EXOC1L: variants seen among roughly 807,000 people sequenced by gnomAD.
The protein encoded by EXOC1L is exocyst complex component 1 like.
In EXOC1L, 10 loss-of-function variants were observed where a neutral mutation model predicts 4.9. The ratio of observed to expected loss-of-function variants is 2.02; its 90% CI spans 1.25 to 3.43. EXOC1L has a LOEUF of 3.43. Among genes scored for constraint, EXOC1L ranks in the 30% most tolerant of loss-of-function variants. The probability of loss-of-function intolerance (pLI) is 0.00; values close to 1 mark genes in which losing one functional copy is unlikely to be tolerated. For missense variants in EXOC1L, 114 were observed against 59.4 expected (o/e 1.92, Z -3.02); for synonymous variants, 41 against 20.8 (o/e 1.97, Z -2.63).
chr4:55,833,374 G>A (rs1170941194), intron 2 of EXOC1L, among the ~76,000 whole-genome samples: 2 of 151,816 alleles, frequency 1.3e-5, no homozygotes, highest in African/African-American at 4.8e-5. Context: ...CAAAAAATAT[G>A]TCAGTATATG....
chr4:55,835,945 A>G (rs555754574), intron 2 of EXOC1L, among the ~76,000 whole-genome samples: 2 of 151,946 alleles, frequency 1.3e-5, no homozygotes, highest in Non-Finnish European at 2.9e-5. Context: ...TTACATGATT[A>G]TTCGCATGTA....
intron 1 of EXOC1L, among the ~76,000 whole-genome samples, chr4:55,825,394 GC>G (rs1170369872): frequency 1.3e-5 from 2 of 152,034 alleles, no homozygotes; most frequent in Admixed American, 1.3e-4. Flanking sequence ...TATCTTATTT[GC>G]CACATCTAGG....
chr4:55,831,882 T>C (rs1187382551), intron 2 of EXOC1L, among the ~76,000 whole-genome samples: 1 of 152,076 alleles, frequency 6.6e-6, no homozygotes, highest in Non-Finnish European at 1.5e-5. Flanking sequence ...AGGATGGAAA[T>C]CCTATAATCT....
rs143745047 is a variant in EXOC1L, at chr4:55,826,968, T to C, written c.122-4366T>C. ...TGACTCGTAGGACTCACCTTCTTCA[T>C]GTCTCTTCTCTCCATTCCCCACCTC... On this transcript the variant is annotated intron_variant, in intron 1 of 2. Coordinates refer to ENST00000636125, the MANE Select transcript of EXOC1L (RefSeq NM_001351574.3). 3.5e-4 allele frequency among the ~76,000 whole-genome samples: 54 copies of C among 152,346 alleles called. 2 individuals are homozygous for C. The East Asian group carries it at 9.5e-3, about 27-fold the overall frequency.
At position 55,829,540 on chromosome 4, in the gene EXOC1L, A is replaced by G. The variant is rs147782690; in HGVS notation, c.122-1794A>G. Among the ~76,000 whole-genome samples, 40 of 152,280 alleles carry G rather than the reference A, an allele frequency of 2.6e-4. No homozygotes were observed. In the East Asian group the frequency reaches 7.0e-3, roughly 26 times the overall value. On this transcript the variant is annotated intron_variant, in intron 1 of 2. Coordinates refer to ENST00000636125, the MANE Select transcript of EXOC1L (RefSeq NM_001351574.3). ...CAGAAAAATTCTTCTTTAATAGAGT[A>G]CCATTTTATTAGTCTTTTGCTACCA...
In EXOC1L at chr4:55,837,170, C is replaced by A. The variant is rs1350040141; in HGVS notation, c.338C>A (p.Thr113Asn). ...SCASKYAFARTVNKLNHAYLK... is the reference protein window; with the variant it reads ...SCASKYAFARNVNKLNHAYLK... ...GCTTCTAAATATGCCTTTGCTCGAACTGTAAATAAGCTGAATCATGCATAT... is the reference window on the plus strand; with the variant it reads ...GCTTCTAAATATGCCTTTGCTCGAAATGTAAATAAGCTGAATCATGCATAT... Residue 113 changes from threonine to asparagine, a missense_variant, in exon 3 of 3, where the codon ACT (threonine) becomes AAT (asparagine). Thr to Asn is a moderately conservative substitution (Grantham distance 65). Coordinates refer to ENST00000636125, the MANE Select transcript of EXOC1L (RefSeq NM_001351574.3). 1 of 702,100 alleles carries A rather than the reference C, an allele frequency of 1.4e-6. No homozygotes were observed. The highest frequency in any genetic ancestry group is 1.5e-5 in the South Asian group (1 of 67,530). 43.5% of individuals were successfully genotyped at this position (702,100 alleles called of 1,614,324 possible).
intron 2 of EXOC1L, among the ~76,000 whole-genome samples, chr4:55,833,665 A>G (rs561518557): frequency 6.3e-4 from 95 of 151,866 alleles, no homozygotes; most frequent in Middle Eastern, 3.4e-3. Context: ...GTTATCATTG[A>G]TTTTTACAAG....
At chr4:55,822,822 A>G (rs1325546322) in intron 1 of EXOC1L, among the ~76,000 whole-genome samples, 4 of 152,202 alleles carry the variant, frequency 2.6e-5, no homozygotes, top group Non-Finnish European at 5.9e-5. Context: ...GGATAAAACC[A>G]AATGTGATAC....
At chr4:55,833,252 C>T (rs1720078118) in intron 2 of EXOC1L, among the ~76,000 whole-genome samples, 1 of 151,798 alleles carries the variant, frequency 6.6e-6, no homozygotes, top group African/African-American at 2.4e-5. Context: ...ATTGTTCAGC[C>T]ACTTAACAAG....
intron 1 of EXOC1L, among the ~76,000 whole-genome samples, chr4:55,831,111 T>C (rs1479249550): frequency 1.3e-5 from 2 of 152,140 alleles, no homozygotes; most frequent in African/African-American, 4.8e-5. Context: ...ACTGTGGCAG[T>C]ATGTAAGCAC....
chr4:55,823,044 A>T, intron 1 of EXOC1L, among the ~76,000 whole-genome samples: 1 of 151,566 alleles, frequency 6.6e-6, no homozygotes, highest in Admixed American at 6.6e-5. Context: ...ATTTAAAATT[A>T]TATGTATATT....
chr4:55,832,161 C>T (rs1720052624), intron 2 of EXOC1L, among the ~76,000 whole-genome samples: 1 of 151,958 alleles, frequency 6.6e-6, no homozygotes, highest in African/African-American at 2.4e-5. Context: ...GTATTATAAC[C>T]ATAATCCTAC....
intron 1 of EXOC1L, among the ~76,000 whole-genome samples, chr4:55,824,869 A>G (rs1390892840): frequency 6.6e-6 from 1 of 152,128 alleles, no homozygotes; most frequent in Admixed American, 6.5e-5. Context: ...AACCCACATC[A>G]CCATCATCAG....
At chr4:55,828,387 G>T (rs1256949380) in intron 1 of EXOC1L, among the ~76,000 whole-genome samples, 2 of 152,168 alleles carry the variant, frequency 1.3e-5, no homozygotes, top group African/African-American at 4.8e-5. Flanking sequence ...TAACGGGATT[G>T]TCTCCAAACC....
intron 1 of EXOC1L, among the ~76,000 whole-genome samples, chr4:55,828,165 C>A (rs540897347): frequency 3.9e-5 from 6 of 152,172 alleles, no homozygotes; most frequent in Non-Finnish European, 5.9e-5. Context: ...AGCCTTTAGT[C>A]TTCCTTCCTA....
chr4:55,826,949 G>A (rs1386606767), intron 1 of EXOC1L, among the ~76,000 whole-genome samples: 5 of 152,124 alleles, frequency 3.3e-5, no homozygotes, highest in African/African-American at 7.2e-5. Flanking sequence ...GTGATGACTC[G>A]TAGGACTCAC....
intron 1 of EXOC1L, among the ~76,000 whole-genome samples, chr4:55,821,829 T>C (rs1195475932): frequency 6.6e-6 from 1 of 152,248 alleles, no homozygotes; most frequent in African/African-American, 2.4e-5. Context: ...TACTCTCTTC[T>C]ACATCACATC....
chr4:55,835,635 T>G (rs1720140186), intron 2 of EXOC1L, among the ~76,000 whole-genome samples: 1 of 152,102 alleles, frequency 6.6e-6, no homozygotes. Context: ...TCATGTTTGT[T>G]GGCCATTTGT....
intron 2 of EXOC1L, among the ~76,000 whole-genome samples, chr4:55,831,872 A>AGGAT (rs1364452986): frequency 6.6e-6 from 1 of 152,078 alleles, no homozygotes; most frequent in Admixed American, 6.6e-5. Flanking sequence ...ATCCTCTAGA[A>AGGAT]GGATGGAAAT....
Sources: gnomAD v4.1 joint callset for allele counts (sites outside exome capture counted in the v4.1 genomes callset) on GRCh38, gnomAD v4.1.1 for gene constraint, MANE v1.5 for transcripts, NCBI Gene and HGNC (gene_info 2026-07-23, HGNC 2026-07-21) for gene names.